IMPG2: variants seen among roughly 807,000 people sequenced by gnomAD.
The protein encoded by IMPG2 is IPM 200.
Under a neutral mutation model 129.2 loss-of-function variants are expected in IMPG2, and 91 were observed. That is an observed-to-expected ratio of 0.70 (90% CI 0.59 to 0.84). The LOEUF is 0.84. IMPG2 is among the 40% of genes least tolerant of loss of function. IMPG2 has a pLI of 0.00. For missense variants in IMPG2, 1,430 were observed against 1,461.7 expected, an observed-to-expected ratio of 0.98 and a Z score of 0.35; for synonymous variants, 510 against 517.7, an observed-to-expected ratio of 0.99 and a Z score of 0.20.
At chr3:101,244,828 C>A (rs1186551912) in intron 12 of IMPG2, 41 bp from the exon 13 acceptor site, 1 of 1,538,584 alleles carries the variant, frequency 6.5e-7, no homozygotes, top group African/African-American at 1.4e-5. Flanking sequence ...ACAGAGTTGC[C>A]AAAATGTATT....
chr3:101,244,337 G>C lies in IMPG2; in HGVS notation c.1994C>G (p.Ser665Ter). 1.2e-6 allele frequency: 2 copies of C among 1,613,822 alleles called. No homozygotes were observed. The highest frequency in any genetic ancestry group is 1.7e-6 in the Non-Finnish European group (2 of 1,179,912). ...MDSTDQISKH[S>*]KYEHDDRSTH... ...GGATCTGTCATCATGTTCATATTTT[G>C]AGTGCTTACTAATTTGGTCTGTGGA... is the stretch of plus-strand genomic sequence containing the variant. The change falls in exon 13 of 19, where the codon TCA (serine) becomes TGA (stop). Residue 665 changes from serine (S) to a stop codon, truncating the protein, a stop_gained. Transcript: ENST00000193391. LOFTEE classifies it high-confidence loss of function.
chr3:101,270,911 A>G (rs1056429149), intron 7 of IMPG2, among the ~76,000 whole-genome samples: 1 of 152,232 alleles, frequency 6.6e-6, no homozygotes, highest in Non-Finnish European at 1.5e-5. Flanking sequence ...TGGGGCCAAC[A>G]TCAGAACAAA....
intron 14 of IMPG2, among the ~76,000 whole-genome samples, chr3:101,234,395 G>A (rs1706323933): frequency 6.6e-6 from 1 of 151,988 alleles, no homozygotes; most frequent in South Asian, 2.1e-4. Flanking sequence ...AGAGGGAACA[G>A]GGCCTGGCCA....
At chr3:101,259,424 T>A (rs1706645745) in intron 9 of IMPG2, among the ~76,000 whole-genome samples, 1 of 152,078 alleles carries the variant, frequency 6.6e-6, no homozygotes, top group African/African-American at 2.4e-5. Flanking sequence ...TGAACTTATA[T>A]ATTCTTATCT....
At chr3:101,275,335 T>G (rs1706829426) in intron 6 of IMPG2, among the ~76,000 whole-genome samples, 2 of 152,152 alleles carry the variant, frequency 1.3e-5, no homozygotes, top group African/African-American at 4.8e-5. Context: ...GGCTAAGATC[T>G]GGTCTATTAA....
intron 7 of IMPG2, among the ~76,000 whole-genome samples, chr3:101,270,053 C>T (rs1297479235): frequency 6.6e-6 from 1 of 151,066 alleles, no homozygotes; most frequent in Non-Finnish European, 1.5e-5. Context: ...GCCTCAGCCT[C>T]CTGAGCAGCT....
chr3:101,310,859 T>C (rs921223790), intron 2 of IMPG2, among the ~76,000 whole-genome samples: 18 of 152,126 alleles, frequency 1.2e-4, no homozygotes, highest in African/African-American at 4.3e-4. Flanking sequence ...GCACAAGCTG[T>C]CTCCTATAAA....
intron 2 of IMPG2, among the ~76,000 whole-genome samples, chr3:101,316,213 G>A (rs1488436973): frequency 6.6e-6 from 1 of 151,860 alleles, no homozygotes; most frequent in Non-Finnish European, 1.5e-5. Context: ...AGCAAACTAA[G>A]ATCAAAAACT....
chr3:101,229,606 G>A lies in IMPG2; in HGVS notation c.3423-16C>T. The A allele has an allele frequency of 6.2e-7, 1 of 1,605,758 alleles. No individual in the cohort carries two copies. The highest frequency in any genetic ancestry group is 8.5e-7 in the Non-Finnish European group (1 of 1,173,224). On this transcript the variant is annotated splice_polypyrimidine_tract_variant and intron_variant, in intron 16 of 18. Coordinates refer to ENST00000193391, the MANE Select transcript of IMPG2 (RefSeq NM_016247.4). The stretch of plus-strand genomic sequence containing the variant: ...GCTGGAGCCACTAAAAGAAAGATAT[G>A]ATGGATTCAGGCTCTTGTTTGGATG...
chr3:101,319,524 A>C, intron 2 of IMPG2, 60 bp downstream of exon 2: 2 of 1,599,110 alleles, frequency 1.3e-6, no homozygotes, highest in African/African-American at 2.7e-5. Context: ...GTTACCTAAC[A>C]AATGATTAAA....
Position 101,224,662 on chromosome 3 carries a change from A to G in IMPG2, c.*2307T>C, listed in dbSNP as rs2107198219. 1 of 152,218 alleles carries G rather than the reference A, an allele frequency of 6.6e-6. No homozygotes were observed. The highest frequency in any genetic ancestry group is 1.9e-4 in the East Asian group (1 of 5,198). 9.4% of individuals were successfully genotyped at this position (152,218 alleles called of 1,614,324 possible). Reference sequence around the variant, plus strand: ...ATGAGTGGATGGATCTTTGCTGGGCAAACTGTGTTCTTCAACCTTTCAACA... The same window carrying G: ...ATGAGTGGATGGATCTTTGCTGGGCGAACTGTGTTCTTCAACCTTTCAACA... On this transcript the variant is annotated 3_prime_UTR_variant, in exon 19 of 19. Coordinates refer to ENST00000193391, the MANE Select transcript of IMPG2 (RefSeq NM_016247.4).
At position 101,297,289 on chromosome 3, in the gene IMPG2, CTTCT is replaced by C. The variant is rs368982263; in HGVS notation, c.502-5783_502-5780del. 3.0e-3 allele frequency among the ~76,000 whole-genome samples: 451 copies of C among 152,108 alleles called. 1 individual carries two copies. The highest frequency in any genetic ancestry group is 0.01 in the African/African-American group (423 of 41,504). ...TGTCTATTTGAGTCTTCTCTCTTTT[CTTCT>C]TTATTAGGATAGCTAGCAGTCAATC... is the stretch of plus-strand genomic sequence containing the variant. On this transcript the variant is annotated intron_variant, in intron 3 of 18. Transcript: ENST00000193391.
intron 15 of IMPG2, among the ~76,000 whole-genome samples, 184 bp downstream of exon 15, chr3:101,232,597 T>C (rs1706301168): frequency 2.0e-5 from 3 of 152,042 alleles, no homozygotes; most frequent in South Asian, 2.1e-4. Flanking sequence ...AATTACTGAA[T>C]TGAAATTCAG....
chr3:101,282,661 C>T (rs931096859), intron 4 of IMPG2, among the ~76,000 whole-genome samples: 2 of 152,096 alleles, frequency 1.3e-5, no homozygotes, highest in African/African-American at 2.4e-5. Flanking sequence ...TTTACCTATA[C>T]CCAATTTCAT....
chr3:101,288,315 G>A (rs138060840), intron 4 of IMPG2, among the ~76,000 whole-genome samples: 8,330 of 152,214 alleles, frequency 0.055, 322 homozygotes, highest in Non-Finnish European at 0.078. Flanking sequence ...TGTGAAAGCA[G>A]TTTGGAGATT....
chr3:101,244,977 T>G (rs1315787125), intron 12 of IMPG2, among the ~76,000 whole-genome samples, 190 bp from the exon 13 acceptor site: 1 of 152,168 alleles, frequency 6.6e-6, no homozygotes, highest in African/African-American at 2.4e-5. Context: ...CAGTCACTCA[T>G]GAATATTATC....
chr3:101,264,346 A>T (rs1706700866), intron 9 of IMPG2, among the ~76,000 whole-genome samples: 3 of 152,132 alleles, frequency 2.0e-5, no homozygotes, highest in Non-Finnish European at 4.4e-5. Flanking sequence ...CAAAAAGATA[A>T]TACACCATGA....
At chr3:101,245,385 A>AT (rs1706465339) in intron 12 of IMPG2, among the ~76,000 whole-genome samples, 1 of 152,074 alleles carries the variant, frequency 6.6e-6, no homozygotes, top group African/African-American at 2.4e-5. Context: ...TCCCTTCACA[A>AT]TACTACTACA....
intron 12 of IMPG2, among the ~76,000 whole-genome samples, chr3:101,245,441 C>A (rs1292058131): frequency 6.6e-6 from 1 of 152,122 alleles, no homozygotes; most frequent in Non-Finnish European, 1.5e-5. Context: ...TGTATTATAA[C>A]CTAGTTGAAT....
Sources: allele counts gnomAD v4.1 joint callset (sites outside exome capture counted in the v4.1 genomes callset), GRCh38; gene constraint gnomAD v4.1.1; transcripts MANE v1.5; gene names NCBI Gene and HGNC (gene_info 2026-07-23, HGNC 2026-07-21).